Variants in SDK2 observed in about 807,000 individuals in gnomAD.
SDK2 encodes the protein sidekick cell adhesion molecule 2.
A neutral mutation model predicts 253.9 loss-of-function variants in SDK2; 105 were observed. The observed-to-expected ratio is 0.41, with a 90% CI of 0.35 to 0.49. The LOEUF is 0.49. SDK2 is among the 20% of genes least tolerant of loss of function. The pLI, the probability that SDK2 is intolerant of heterozygous loss-of-function variation, is 0.06. For missense variants in SDK2, 2,608 were observed against 3,003.0 expected, an observed-to-expected ratio of 0.87 and a Z score of 3.07; for synonymous variants, 1,249 against 1,234.9, an observed-to-expected ratio of 1.01 and a Z score of -0.24.
In SDK2 at chr17:73,483,680, TA is replaced by T. The variant is rs1567799296; in HGVS notation, c.225-11463del. 4.4e-3 allele frequency among the ~76,000 whole-genome samples: 281 copies of T among 63,430 alleles called. 21 individuals are homozygous for T. The highest frequency in any genetic ancestry group is 5.5e-3 in the Admixed American group (26 of 4,706). The allele number at this position is 63,430 out of a possible 152,430, so 41.6% of individuals were successfully genotyped here. ...GTGTGTGTATATATATATATATATA[TA>T]TTTATATATATATATATATATATAT... On this transcript the variant is annotated intron_variant, in intron 2 of 44. Coordinates refer to ENST00000392650, the MANE Select transcript of SDK2 (RefSeq NM_001144952.2).
intron 1 of SDK2, among the ~76,000 whole-genome samples, chr17:73,601,358 G>A (rs1317135969): frequency 6.6e-6 from 1 of 152,102 alleles, no homozygotes; most frequent in Non-Finnish European, 1.5e-5. Context: ...GACCCTTTGA[G>A]GTGGCATGCT....
chr17:73,550,758 G>A (rs963940324), intron 1 of SDK2, among the ~76,000 whole-genome samples: 8 of 152,168 alleles, frequency 5.3e-5, no homozygotes, highest in African/African-American at 1.7e-4. Flanking sequence ...GAAGCCCAGC[G>A]GGGGACAGTG....
At chr17:73,491,799 G>A (rs1567803745) in intron 2 of SDK2, among the ~76,000 whole-genome samples, 1 of 152,214 alleles carries the variant, frequency 6.6e-6, no homozygotes, top group Admixed American at 6.5e-5. Flanking sequence ...CCAAGTGGGA[G>A]AATTGGACCA....
At chr17:73,474,729 C>A (rs1252335561) in intron 2 of SDK2, among the ~76,000 whole-genome samples, 1 of 152,102 alleles carries the variant, frequency 6.6e-6, no homozygotes, top group East Asian at 1.9e-4. Flanking sequence ...CGAGGGGAGG[C>A]CACTGTGGGG....
chr17:73,464,441 A>C (rs532036007), intron 3 of SDK2, among the ~76,000 whole-genome samples: 106 of 152,294 alleles, frequency 7.0e-4, no homozygotes, highest in African/African-American at 2.5e-3. Flanking sequence ...ACTGTGAGTC[A>C]ATTAAACCTC....
At chr17:73,591,535 G>A (rs2145899669) in intron 1 of SDK2, among the ~76,000 whole-genome samples, 1 of 152,268 alleles carries the variant, frequency 6.6e-6, no homozygotes, top group South Asian at 2.1e-4. Flanking sequence ...TGTTAGAGTT[G>A]GGGTTTGCAA....
chr17:73,637,007 T>C (rs1319456273), intron 1 of SDK2, among the ~76,000 whole-genome samples: 1 of 152,144 alleles, frequency 6.6e-6, no homozygotes, highest in Non-Finnish European at 1.5e-5. Context: ...GTGCCACAGA[T>C]AGCAGCTGAC....
chr17:73,484,008 A>T (rs1446995909), intron 2 of SDK2, among the ~76,000 whole-genome samples: 5 of 151,910 alleles, frequency 3.3e-5, no homozygotes, highest in Non-Finnish European at 7.4e-5. Context: ...TTTATTTTTT[A>T]AAAAACAAGA....
Position 73,616,050 on chromosome 17 carries a change from C to T in SDK2, c.64+27975G>A, listed in dbSNP as rs890451575. Among the ~76,000 whole-genome samples the T allele has an allele frequency of 6.6e-6, 1 of 152,154 alleles. No homozygotes were observed. Among genetic ancestry groups the T allele is most frequent in the Non-Finnish European group, 1.5e-5 (1 of 68,038 alleles). Reference sequence around the variant, plus strand: ...ATACACATGAACACACATACACACACGTACACACACATACATACTTCTTCC... The same window carrying T: ...ATACACATGAACACACATACACACATGTACACACACATACATACTTCTTCC... On this transcript the variant is annotated intron_variant, in intron 1 of 44. Coordinates refer to ENST00000392650, the MANE Select transcript of SDK2 (RefSeq NM_001144952.2). This position sits in a 1 kb window ranked among gnomAD's most constrained non-coding sequence, Gnocchi z 5.2.
chr17:73,499,564 G>A (rs926683107), intron 2 of SDK2, among the ~76,000 whole-genome samples: 1 of 152,230 alleles, frequency 6.6e-6, no homozygotes, highest in South Asian at 2.1e-4. Context: ...CATGGCCCCC[G>A]GGGCAGAAGA....
At position 73,609,536 on chromosome 17, in the gene SDK2, T is replaced by C. The variant is rs1185548520; in HGVS notation, c.64+34489A>G. On this transcript the variant is annotated intron_variant, in intron 1 of 44. Coordinates refer to ENST00000392650, the MANE Select transcript of SDK2 (RefSeq NM_001144952.2). This position sits in a 1 kb window ranked among gnomAD's most constrained non-coding sequence, Gnocchi z 4.4. ...GACAGGGGCATTAGCAACTTTTTCATGACATTTTGCTGCAAAGGGAGCAAA... is the reference window on the plus strand; with the variant it reads ...GACAGGGGCATTAGCAACTTTTTCACGACATTTTGCTGCAAAGGGAGCAAA... 6.6e-6 allele frequency among the ~76,000 whole-genome samples: 1 copy of C among 152,174 alleles called. No individual in the cohort carries two copies. Among genetic ancestry groups the C allele is most frequent in the Non-Finnish European group, 1.5e-5 (1 of 68,046 alleles).
intron 3 of SDK2, among the ~76,000 whole-genome samples, chr17:73,471,171 C>A (rs940872963): frequency 1.3e-5 from 2 of 152,154 alleles, no homozygotes; most frequent in Non-Finnish European, 2.9e-5. Flanking sequence ...TCTGGGAACC[C>A]TGATTCATTC....
At position 73,497,489 on chromosome 17, in the gene SDK2, C is replaced by T. The variant is rs1275776641; in HGVS notation, c.224+9949G>A. Among the ~76,000 whole-genome samples, 12 of 152,300 alleles carry T rather than the reference C, an allele frequency of 7.9e-5. No individual in the cohort carries two copies. The East Asian group carries it at 1.7e-3, about 22-fold the overall frequency. ...TCTTCTAGTTGCCTGTTGGACATCC[C>T]GATCCAGCATCCAAAACTGAGTACA... On this transcript the variant is annotated intron_variant, in intron 2 of 44. Coordinates refer to ENST00000392650, the MANE Select transcript of SDK2 (RefSeq NM_001144952.2).
intron 18 of SDK2, among the ~76,000 whole-genome samples, chr17:73,407,874 C>T (rs1444784918): frequency 6.6e-6 from 1 of 152,122 alleles, no homozygotes; most frequent in African/African-American, 2.4e-5. Flanking sequence ...GAAAGCATTT[C>T]AGCTACTAAG....
intron 41 of SDK2, among the ~76,000 whole-genome samples, chr17:73,351,112 C>CTTTTT (rs11320990): frequency 6.8e-6 from 1 of 146,040 alleles, no homozygotes. Context: ...ACTTTTTCCC[C>CTTTTT]TTTTTTTTTT....
chr17:73,415,668 T>C (rs1442875766), intron 17 of SDK2, 143 bp downstream of exon 17: 3 of 686,166 alleles, frequency 4.4e-6, no homozygotes, highest in African/African-American at 3.6e-5. Flanking sequence ...TTTTCACTTT[T>C]TGTAGAGATG....
rs2145821229 is a variant in SDK2 at position 73,541,271 on chromosome 17, C to A, written c.65-33674G>T. On this transcript the variant is annotated intron_variant, in intron 1 of 44. Coordinates refer to ENST00000392650, the MANE Select transcript of SDK2 (RefSeq NM_001144952.2). This position sits in a 1 kb window ranked among gnomAD's most constrained non-coding sequence, Gnocchi z 4.3. ...GGGCTGCAGTGTGTGGAAAGAGCTG[C>A]CTGCCAGGAGCTCTCCACCCTTCTA... Among the ~76,000 whole-genome samples, 1 of 152,284 alleles carries A rather than the reference C, an allele frequency of 6.6e-6. No homozygotes were observed. Among genetic ancestry groups the A allele is most frequent in the East Asian group, 1.9e-4 (1 of 5,160 alleles).
chr17:73,595,736 TG>T (rs937902314), intron 1 of SDK2, among the ~76,000 whole-genome samples: 1 of 151,800 alleles, frequency 6.6e-6, no homozygotes, highest in Admixed American at 6.6e-5. Context: ...GGGGGCCTGG[TG>T]GGGGCAGTGT....
intron 28 of SDK2, among the ~76,000 whole-genome samples, chr17:73,390,854 T>C (rs987355483): frequency 1.3e-5 from 2 of 152,202 alleles, no homozygotes; most frequent in African/African-American, 4.8e-5. Context: ...CACTCTGTCT[T>C]GGGGATGTGG....
Sources: allele counts gnomAD v4.1 joint callset (sites outside exome capture counted in the v4.1 genomes callset), GRCh38; gene constraint gnomAD v4.1.1; non-coding constraint Gnocchi (gnomAD v3.1); transcripts MANE v1.5; gene names NCBI Gene and HGNC (gene_info 2026-07-23, HGNC 2026-07-21).